PHLDB1: variants seen among roughly 807,000 people sequenced by gnomAD.
PHLDB1 encodes pleckstrin homology-like domain family B member 1.
Under a neutral mutation model 139.3 loss-of-function variants are expected in PHLDB1, and 65 were observed. The observed-to-expected ratio is 0.47, with a 90% CI of 0.38 to 0.57. The LOEUF is 0.57. Ranked by LOEUF, PHLDB1 falls within the 20% of genes least tolerant of loss-of-function variation. The pLI, the probability that PHLDB1 is intolerant of heterozygous loss-of-function variation, is 0.00. For synonymous variants in PHLDB1, 679 were observed against 734.5 expected (o/e 0.92, Z 1.22); for missense variants, 1,624 against 1,839.7 (o/e 0.88, Z 2.14).
intron 10 of PHLDB1, 133 bp from the exon 11 acceptor site, chr11:118,638,758 T>C: frequency 1.5e-6 from 1 of 670,966 alleles, no homozygotes; most frequent in South Asian, 2.0e-5. Flanking sequence ...TAGGGTGAGT[T>C]GAGGCCAAGC....
chr11:118,625,722 C>T (rs1943740084), intron 5 of PHLDB1, among the ~76,000 whole-genome samples: 1 of 152,132 alleles, frequency 6.6e-6, no homozygotes. Flanking sequence ...ATGTCAGGTA[C>T]ACCTAGTGGG....
intron 13 of PHLDB1, 148 bp from the exon 14 acceptor site, chr11:118,643,652 G>C: frequency 6.5e-7 from 1 of 1,534,206 alleles, no homozygotes; most frequent in Non-Finnish European, 8.7e-7. Context: ...CTGGCCATTG[G>C]GCTGGCTCAG....
intron 2 of PHLDB1, 30 bp from the exon 3 acceptor site, chr11:118,614,529 A>T: frequency 6.2e-7 from 1 of 1,612,014 alleles, no homozygotes; most frequent in Non-Finnish European, 8.5e-7. Flanking sequence ...GAATCTAATG[A>T]TGCTTGTCCT....
chr11:118,622,428 C>G (rs782299961), intron 4 of PHLDB1, among the ~76,000 whole-genome samples: 4 of 152,240 alleles, frequency 2.6e-5, no homozygotes, highest in African/African-American at 7.2e-5. Context: ...TCTATTAATA[C>G]GGATCCAGCT....
At chr11:118,623,758 C>G (rs1555097505) in intron 4 of PHLDB1, among the ~76,000 whole-genome samples, 1 of 151,982 alleles carries the variant, frequency 6.6e-6, no homozygotes, top group Non-Finnish European at 1.5e-5. Flanking sequence ...TTTTGTGACC[C>G]TGGAAGTTGC....
chr11:118,639,164 G>T lies in PHLDB1; in HGVS notation c.2649G>T (p.Glu883Asp). 6.2e-7 allele frequency: 1 copy of T among 1,614,056 alleles called. No homozygotes were observed. Among genetic ancestry groups the T allele is most frequent in the Non-Finnish European group, 8.5e-7 (1 of 1,179,882 alleles). ...KNASLQLLQK[E>D]KEKLTVLERR... The stretch of plus-strand genomic sequence containing the variant: ...ACTCTGCCATTCTGGGCTCGCAGGA[G>T]AAGGAGAAGCTGACTGTGCTGGAAA... The change falls in exon 12 of 23, where the codon GAG becomes GAT. Residue 883 changes from glutamate to aspartate, a missense_variant and splice_region_variant. Transcript: ENST00000600882.
At chr11:118,640,079 C>T (rs1946270235) in intron 12 of PHLDB1, 1 of 780,596 alleles carries the variant, frequency 1.3e-6, no homozygotes, top group Non-Finnish European at 1.6e-6. Flanking sequence ...GCCTACAGCT[C>T]CTCCCAGGGC....
intron 5 of PHLDB1, among the ~76,000 whole-genome samples, chr11:118,625,309 C>T (rs1415983793): frequency 6.6e-6 from 1 of 152,200 alleles, no homozygotes; most frequent in Non-Finnish European, 1.5e-5. Context: ...CAGCTTGTAC[C>T]CCACTGCCCT....
chr11:118,629,241 G>A (rs1466548893), intron 6 of PHLDB1, among the ~76,000 whole-genome samples: 2 of 152,262 alleles, frequency 1.3e-5, no homozygotes, highest in East Asian at 3.8e-4. Context: ...AGGTGGCAGG[G>A]TAGAGGGACA....
intron 6 of PHLDB1, chr11:118,630,043 T>C (rs1944531212): frequency 1.6e-6 from 2 of 1,287,060 alleles, no homozygotes; most frequent in Non-Finnish European, 2.0e-6. Flanking sequence ...TTTTTTTTTT[T>C]TTTGCCATGG....
chr11:118,613,997 C>G, intron 2 of PHLDB1, 101 bp downstream of exon 2: 1 of 730,494 alleles, frequency 1.4e-6, no homozygotes, highest in South Asian at 1.6e-5. Context: ...AGGAGCAATT[C>G]TGTTCCTCTC....
chr11:118,650,274 G>A lies in PHLDB1; in HGVS notation c.3771+81G>A. 8.8e-7 allele frequency: 1 copy of A among 1,133,426 alleles called. No individual in the cohort carries two copies. Among genetic ancestry groups the A allele is most frequent in the Non-Finnish European group, 1.3e-6 (1 of 743,442 alleles). 70.2% of individuals were successfully genotyped at this position (1,133,426 alleles called of 1,614,324 possible). Reference sequence around the variant, plus strand: ...AGGCACCTCCTGGGTCGTTGGAATAGTGGCGTCAGTCTCTACCCTCACCTA... The same window carrying A: ...AGGCACCTCCTGGGTCGTTGGAATAATGGCGTCAGTCTCTACCCTCACCTA... On this transcript the variant is annotated intron_variant, in intron 19 of 22. Coordinates refer to ENST00000600882, the MANE Select transcript of PHLDB1 (RefSeq NM_001144758.3). This position sits in a 1 kb window ranked among gnomAD's most constrained non-coding sequence, Gnocchi z 4.7.
chr11:118,616,101 C>T lies in PHLDB1; in HGVS notation c.245C>T (p.Pro82Leu), dbSNP rs1941584580. The T allele has an allele frequency of 7.4e-6, 12 of 1,614,134 alleles. No homozygotes were observed. Among genetic ancestry groups the T allele is most frequent in the Non-Finnish European group, 1.0e-5 (12 of 1,179,964 alleles). Reference protein sequence around the residue: ...DISLQGPGLAPEHCYIENLRG... With the variant: ...DISLQGPGLALEHCYIENLRG... ...TCACTACAGGGCCCAGGCCTGGCTC[C>T]AGAGCACTGCTACATCGAGAACCTG... The change falls in exon 4 of 23, where the codon CCA becomes CTA. Residue 82 changes from proline to leucine, a missense_variant. Physicochemically the swap from Pro to Leu is moderately conservative, Grantham distance 98. Coordinates refer to ENST00000600882, the MANE Select transcript of PHLDB1 (RefSeq NM_001144758.3).
chr11:118,650,808 T>C lies in PHLDB1; in HGVS notation c.3874+261T>C, dbSNP rs1948234072. On this transcript the variant is annotated intron_variant, in intron 20 of 22. Coordinates refer to ENST00000600882, the MANE Select transcript of PHLDB1 (RefSeq NM_001144758.3). This position sits in a 1 kb window ranked among gnomAD's most constrained non-coding sequence, Gnocchi z 4.7. Reference sequence around the variant, plus strand: ...CACTGTTCTAGGCTCTGGTGATGAGTAAGATGGCCACAGCGCTCTCATGGA... The same window carrying C: ...CACTGTTCTAGGCTCTGGTGATGAGCAAGATGGCCACAGCGCTCTCATGGA... 3.9e-6 allele frequency: 2 copies of C among 506,816 alleles called. No homozygotes were observed. The allele number at this position is 506,816 out of a possible 1,614,324, so 31.4% of individuals were successfully genotyped here.
At position 118,632,008 on chromosome 11, in the gene PHLDB1, C is replaced by T. The variant is rs1944893777; in HGVS notation, c.2196C>T (p.Val732=). 6.2e-7 allele frequency: 1 copy of T among 1,614,002 alleles called. No individual in the cohort carries two copies. The highest frequency in any genetic ancestry group is 8.5e-7 in the Non-Finnish European group (1 of 1,179,992). Reference sequence around the variant, plus strand: ...TGGGGCACGTGGAGCAGCTCAAGGTCCGTGTGAAGGAGCTAGAGCAGCAGC... The same window carrying T: ...TGGGGCACGTGGAGCAGCTCAAGGTTCGTGTGAAGGAGCTAGAGCAGCAGC... ...QVLGHVEQLK[V]RVKELEQQLQ... is the part of the protein sequence containing the mutation. The change falls in exon 8 of 23, where the codon GTC becomes GTT. Residue 732 remains valine, a synonymous_variant. Transcript: ENST00000600882. The surrounding 1 kb of genome is among the most constrained non-coding windows in gnomAD (Gnocchi z 5.9).
At chr11:118,638,687 T>A (rs780130562) in intron 10 of PHLDB1, among the ~76,000 whole-genome samples, 2 of 151,462 alleles carry the variant, frequency 1.3e-5, no homozygotes, top group Non-Finnish European at 2.9e-5. Flanking sequence ...GGCACAGGGG[T>A]CATTGGTCAA....
intron 20 of PHLDB1, 162 bp from the exon 21 acceptor site, chr11:118,655,443 A>G (rs1555140958): frequency 5.1e-6 from 3 of 582,570 alleles, no homozygotes; most frequent in South Asian, 2.0e-5. Context: ...AGCATTATCC[A>G]TATCTTTAGG....
At chr11:118,613,317 GA>G (rs757456010) in intron 1 of PHLDB1, 52 of 985,834 alleles carry the variant, frequency 5.3e-5, no homozygotes, top group Non-Finnish European at 6.1e-5. Context: ...AAAGCCCTGG[GA>G]AAAGAGACAA....
rs1255326772 is a variant in PHLDB1 at position 118,613,512 on chromosome 11, C to T, written c.-21-304C>T. 3.0e-5 allele frequency: 30 copies of T among 1,002,888 alleles called. No homozygotes were observed. In the East Asian group the frequency reaches 9.2e-4, roughly 31 times the overall value. 62.1% of individuals were successfully genotyped at this position (1,002,888 alleles called of 1,614,324 possible). On this transcript the variant is annotated intron_variant, in intron 1 of 22. Coordinates refer to ENST00000600882, the MANE Select transcript of PHLDB1 (RefSeq NM_001144758.3). The stretch of plus-strand genomic sequence containing the variant: ...CCAAGGGTCTTCAGCTGTCAAAACC[C>T]GGGTTCTGAGTAGCATAGGGCAAGA...
Sources: gnomAD v4.1 joint callset for allele counts (sites outside exome capture counted in the v4.1 genomes callset) on GRCh38, gnomAD v4.1.1 for gene constraint, Gnocchi (gnomAD v3.1) non-coding constraint, MANE v1.5 for transcripts, NCBI Gene and HGNC (gene_info 2026-07-23, HGNC 2026-07-21) for gene names.